PGD: variants seen among roughly 807,000 people sequenced by gnomAD.
PGD encodes the protein 6-phosphogluconate dehydrogenase, decarboxylating.
PGD carries 21 observed loss-of-function variants against 60.4 expected under a neutral mutation model. The observed-to-expected ratio is 0.35, with a 90% CI of 0.25 to 0.50. The LOEUF is 0.50. PGD is among the 20% of genes least tolerant of loss of function. The pLI, the probability that PGD is intolerant of heterozygous loss-of-function variation, is 0.98. For synonymous variants in PGD, 230 were observed against 235.9 expected (o/e 0.97, Z 0.23); for missense variants, 477 against 613.1 (o/e 0.78, Z 2.34).
Position 10,415,870 on chromosome 1 carries a change from A to C in PGD, c.845-1117A>C, listed in dbSNP as rs116796036. 8.8e-3 allele frequency among the ~76,000 whole-genome samples: 1,339 copies of C among 152,338 alleles called. 24 individuals carry two copies. Among genetic ancestry groups the C allele is most frequent in the African/African-American group, 0.031 (1,283 of 41,586 alleles). On this transcript the variant is annotated intron_variant, in intron 8 of 12. Transcript: ENST00000270776. ...AAATGTCTTAATATTAAAATACTAC[A>C]TTGACTTTTTAATTCAAATGAAGTA...
At chr1:10,402,922 G>T in intron 3 of PGD, 149 bp from the exon 4 acceptor site, 1 of 632,318 alleles carries the variant, frequency 1.6e-6, no homozygotes, top group Non-Finnish European at 2.9e-6. Flanking sequence ...GGGTTTCAGT[G>T]AGCCATGTTC....
chr1:10,406,388 GA>G (rs1213355015), intron 5 of PGD, among the ~76,000 whole-genome samples: 3,425 of 134,068 alleles, frequency 0.026, 129 homozygotes, highest in African/African-American at 0.086. Context: ...TGTTTCTTAA[GA>G]AAAAAAAAAA....
chr1:10,399,805 C>T, intron 2 of PGD, 101 bp downstream of exon 2: 8 of 983,386 alleles, frequency 8.1e-6, no homozygotes, highest in Non-Finnish European at 1.3e-5. Flanking sequence ...CCGTGCTTTG[C>T]TAATGTGCTC....
chr1:10,416,485 C>T (rs1010068720), intron 8 of PGD, among the ~76,000 whole-genome samples: 1 of 152,200 alleles, frequency 6.6e-6, no homozygotes, highest in African/African-American at 2.4e-5. Flanking sequence ...TTTCCTGCTC[C>T]ACCTTTCTTC....
chr1:10,400,313 G>C lies in PGD; in HGVS notation c.85-80G>C, dbSNP rs919721317. 4.6e-6 allele frequency: 5 copies of C among 1,095,152 alleles called. No individual in the cohort carries two copies. In the African/African-American group the frequency reaches 6.2e-5, roughly 14 times the overall value. 67.8% of individuals were successfully genotyped at this position (1,095,152 alleles called of 1,614,324 possible). A position where few individuals can be genotyped will look rare whatever the true frequency, so the allele number is the denominator to read the frequency against. On this transcript the variant is annotated intron_variant, in intron 2 of 12. Transcript: ENST00000270776. Reference sequence around the variant, plus strand: ...ACCTCCCCAGAACTTGGGTTGAATGGAAAGGTCATTGTTACTTTGGCCACA... The same window carrying C: ...ACCTCCCCAGAACTTGGGTTGAATGCAAAGGTCATTGTTACTTTGGCCACA...
At chr1:10,405,678 A>G (rs1639391269) in intron 5 of PGD, among the ~76,000 whole-genome samples, 1 of 151,256 alleles carries the variant, frequency 6.6e-6, no homozygotes, top group African/African-American at 2.4e-5. Context: ...TCTACTAATA[A>G]TACAAAAATT....
At chr1:10,414,961 C>T (rs1489790700) in intron 8 of PGD, among the ~76,000 whole-genome samples, 3 of 151,582 alleles carry the variant, frequency 2.0e-5, no homozygotes, top group East Asian at 3.9e-4. Context: ...CATAGTGACC[C>T]GTGCCTGTAA....
chr1:10,399,678 C>T lies in PGD; in HGVS notation c.58C>T (p.Leu20=), dbSNP rs775881647. The change falls in exon 2 of 13, where the codon CTG becomes TTG. Residue 20 remains leucine (L), a synonymous_variant. Coordinates refer to ENST00000270776, the MANE Select transcript of PGD (RefSeq NM_002631.4). The part of the protein sequence containing the change: ...GLAVMGQNLI[L]NMNDHGFVVC... ...GGCCGTCATGGGCCAGAACTTAATT[C>T]TGAACATGAATGACCACGGCTTTGT... The T allele has an allele frequency of 3.1e-6, 5 of 1,614,130 alleles. No individual in the cohort carries two copies. In the South Asian group the frequency reaches 4.4e-5, roughly 14 times the overall value.
chr1:10,417,122 G>GAC lies in PGD; in HGVS notation c.975+9_975+10dup, dbSNP rs1639609457. The GAC allele has an allele frequency of 1.2e-6, 2 of 1,613,822 alleles. No homozygotes were observed. Among genetic ancestry groups the GAC allele is most frequent in the East Asian group, 4.5e-5 (2 of 44,872 alleles). On this transcript the variant is annotated splice_donor_region_variant and intron_variant, in intron 9 of 12. Coordinates refer to ENST00000270776, the MANE Select transcript of PGD (RefSeq NM_002631.4). The stretch of plus-strand genomic sequence containing the variant: ...TTCCTGGAGGACATTCGGAAGGTGG[G>GAC]ACACAGTCCCTGGCAGTGGTCTTTG...
intron 10 of PGD, among the ~76,000 whole-genome samples, chr1:10,418,304 C>T (rs957451087): frequency 2.6e-5 from 4 of 152,096 alleles, no homozygotes; most frequent in Admixed American, 2.0e-4. Flanking sequence ...TATTGAAAAT[C>T]GTCAGATTTT....
chr1:10,400,937 A>T (rs1030375135), intron 3 of PGD, among the ~76,000 whole-genome samples: 5 of 152,114 alleles, frequency 3.3e-5, no homozygotes, highest in Admixed American at 6.6e-5. Flanking sequence ...ACATAAAATT[A>T]AAAAATTAGC....
At chr1:10,419,295 G>C in intron 11 of PGD, 122 bp from the exon 12 acceptor site, 1 of 1,356,520 alleles carries the variant, frequency 7.4e-7, no homozygotes. Context: ...GGGATGACAG[G>C]CGTGAGCCAC....
intron 6 of PGD, among the ~76,000 whole-genome samples, chr1:10,410,532 C>T (rs1639482914): frequency 6.6e-6 from 1 of 151,980 alleles, no homozygotes; most frequent in Non-Finnish European, 1.5e-5. Flanking sequence ...AGGAGAGAGA[C>T]TGCCCAGGTC....
chr1:10,402,927 A>G (rs1012065130), intron 3 of PGD, 144 bp from the exon 4 acceptor site: 1 of 646,962 alleles, frequency 1.5e-6, no homozygotes, highest in South Asian at 1.8e-5. Flanking sequence ...TCAGTGAGCC[A>G]TGTTCGCACT....
At chr1:10,412,863 A>G (rs1639521519) in intron 7 of PGD, 199 bp from the exon 8 acceptor site, 1 of 526,348 alleles carries the variant, frequency 1.9e-6, no homozygotes, top group South Asian at 2.8e-5. Flanking sequence ...CCAGAAATTC[A>G]GTATAACCAG....
intron 10 of PGD, among the ~76,000 whole-genome samples, chr1:10,417,991 C>T (rs1314671629): frequency 6.6e-6 from 1 of 152,216 alleles, no homozygotes; most frequent in Non-Finnish European, 1.5e-5. Flanking sequence ...GGATTACAGG[C>T]GTGAGCCACT....
intron 10 of PGD, 41 bp from the exon 11 acceptor site, chr1:10,418,785 A>AC: frequency 7.9e-7 from 1 of 1,263,188 alleles, no homozygotes. Context: ...AAAAAAAAAA[A>AC]AAAAAGACTC....
At chr1:10,402,146 A>C (rs1639326659) in intron 3 of PGD, among the ~76,000 whole-genome samples, 1 of 152,230 alleles carries the variant, frequency 6.6e-6, no homozygotes, top group Non-Finnish European at 1.5e-5. Context: ...CTGTTGTCAT[A>C]AAATCATTCA....
chr1:10,412,833 G>A, intron 7 of PGD: 1 of 489,722 alleles, frequency 2.0e-6, no homozygotes, highest in Non-Finnish European at 3.7e-6. Flanking sequence ...TTGCCTCTGA[G>A]GAGACAACAC....
Sources: allele counts gnomAD v4.1 joint callset (sites outside exome capture counted in the v4.1 genomes callset), GRCh38; gene constraint gnomAD v4.1.1; transcripts MANE v1.5; gene names NCBI Gene and HGNC (gene_info 2026-07-23, HGNC 2026-07-21).